The following PAPPA2 variants were observed in gnomAD, a reference collection of about 807,000 sequenced individuals.
PAPPA2 encodes the protein pappalysin 2.
PAPPA2 carries 86 observed loss-of-function variants against 176.4 expected under a neutral mutation model. That is an observed-to-expected ratio of 0.49 (90% CI 0.41 to 0.58). The LOEUF (loss-of-function observed/expected upper bound fraction) is 0.58. Among genes scored for constraint, PAPPA2 ranks in the 20% least tolerant of loss-of-function variants. The pLI is 0.00. For missense variants in PAPPA2, 2,073 were observed against 2,256.9 expected (o/e 0.92, Z 1.65); for synonymous variants, 809 against 852.2 (o/e 0.95, Z 0.88).
intron 12 of PAPPA2, among the ~76,000 whole-genome samples, chr1:176,727,138 A>G (rs913782758): frequency 9.2e-5 from 14 of 152,334 alleles, no homozygotes; most frequent in African/African-American, 3.4e-4. Flanking sequence ...GGATTCAAAG[A>G]AGGCAGGAAA....
rs1667534395 is a variant in PAPPA2 at position 176,842,765 on chromosome 1, C to T, written c.*311C>T. On this transcript the variant is annotated 3_prime_UTR_variant, in exon 23 of 23. Coordinates refer to ENST00000367662, the MANE Select transcript of PAPPA2 (RefSeq NM_020318.3). ...ATATTCTATTAAATCCTATCCTCAA[C>T]TCTTGCCCTGCTCTCCGCTCCACCC... is the stretch of plus-strand genomic sequence containing the variant. 2 of 272,376 alleles carry T rather than the reference C, an allele frequency of 7.3e-6. No homozygotes were observed. The highest frequency in any genetic ancestry group is 8.6e-5 in the East Asian group (1 of 11,564). The allele number at this position is 272,376 out of a possible 1,614,324, so 16.9% of individuals were successfully genotyped here. A position where few individuals can be genotyped will look rare whatever the true frequency, so the allele number is the denominator to read the frequency against.
At chr1:176,475,434 GC>G (rs1413737288) in intron 1 of PAPPA2, among the ~76,000 whole-genome samples, 1 of 152,108 alleles carries the variant, frequency 6.6e-6, no homozygotes, top group Non-Finnish European at 1.5e-5. Flanking sequence ...TGGCCTCAGT[GC>G]ATCCTTACAG....
intron 5 of PAPPA2, 71 bp downstream of exon 5, chr1:176,690,501 G>A (rs1660068379): frequency 1.9e-6 from 3 of 1,571,566 alleles, no homozygotes; most frequent in African/African-American, 1.4e-5. Context: ...GAGGGTGGAG[G>A]TGTGGGAGCT....
chr1:176,644,396 G>A (rs1657274635), intron 3 of PAPPA2, among the ~76,000 whole-genome samples: 1 of 151,750 alleles, frequency 6.6e-6, no homozygotes, highest in African/African-American at 2.4e-5. Flanking sequence ...TGAGTGACAG[G>A]ATTTTTTAAA....
At chr1:176,778,129 G>C (rs1187229351) in intron 17 of PAPPA2, among the ~76,000 whole-genome samples, 1 of 148,898 alleles carries the variant, frequency 6.7e-6, no homozygotes. Flanking sequence ...ATTACCAGCA[G>C]AAAAAGTGCA....
chr1:176,608,672 A>G (rs1362141679), intron 3 of PAPPA2, among the ~76,000 whole-genome samples: 5 of 152,122 alleles, frequency 3.3e-5, no homozygotes. Flanking sequence ...CTCTTATCGA[A>G]CACCCTACCT....
At chr1:176,636,100 C>T (rs1656684586) in intron 3 of PAPPA2, among the ~76,000 whole-genome samples, 1 of 152,116 alleles carries the variant, frequency 6.6e-6, no homozygotes, top group Admixed American at 6.6e-5. Flanking sequence ...CATAAAATGG[C>T]TTCCCCTTGA....
At chr1:176,535,440 C>T (rs1017140671) in intron 1 of PAPPA2, among the ~76,000 whole-genome samples, 2 of 152,204 alleles carry the variant, frequency 1.3e-5, no homozygotes, top group African/African-American at 4.8e-5. Context: ...AGTTTGCTCT[C>T]CTTTACAGAT....
intron 3 of PAPPA2, among the ~76,000 whole-genome samples, chr1:176,622,575 C>T (rs1051524888): frequency 6.6e-6 from 1 of 152,130 alleles, no homozygotes. Context: ...TGTTTGAGAT[C>T]AAGGTATCTT....
In PAPPA2 at chr1:176,641,227, G is replaced by GC. The variant is rs1657069317; in HGVS notation, c.1992-29741dup. The stretch of plus-strand genomic sequence containing the variant: ...CCATTTGTCAATTTTGGCTTTTGTT[G>GC]CCATTGCTTTTGGTGTTTTAGACAT... On this transcript the variant is annotated intron_variant, in intron 3 of 22. Coordinates refer to ENST00000367662, the MANE Select transcript of PAPPA2 (RefSeq NM_020318.3). Among the ~76,000 whole-genome samples, 4 of 152,192 alleles carry GC rather than the reference G, an allele frequency of 2.6e-5. No individual in the cohort carries two copies. In the South Asian group the frequency reaches 8.3e-4, roughly 32 times the overall value.
intron 17 of PAPPA2, among the ~76,000 whole-genome samples, chr1:176,774,868 C>T (rs1664387227): frequency 6.6e-6 from 1 of 152,190 alleles, no homozygotes; most frequent in Non-Finnish European, 1.5e-5. Context: ...CTGGCAGACC[C>T]TTCAGCTCTT....
At chr1:176,591,889 T>C (rs1218356048) in intron 2 of PAPPA2, among the ~76,000 whole-genome samples, 1 of 152,270 alleles carries the variant, frequency 6.6e-6, no homozygotes, top group African/African-American at 2.4e-5. Context: ...TAACTTACCA[T>C]TGATATCAAT....
chr1:176,833,193 T>C (rs916452006), intron 21 of PAPPA2, among the ~76,000 whole-genome samples: 3 of 152,204 alleles, frequency 2.0e-5, no homozygotes, highest in Non-Finnish European at 4.4e-5. Context: ...ACTTCAACTG[T>C]TAGCCGAAAA....
At chr1:176,495,309 G>C (rs1192392770) in intron 1 of PAPPA2, among the ~76,000 whole-genome samples, 9 of 152,080 alleles carry the variant, frequency 5.9e-5, no homozygotes, top group Admixed American at 2.0e-4. Flanking sequence ...GGGAGGCCGA[G>C]GCAGGCGAAT....
chr1:176,804,026 A>G (rs567522953), intron 21 of PAPPA2, among the ~76,000 whole-genome samples: 3 of 152,326 alleles, frequency 2.0e-5, no homozygotes, highest in Admixed American at 1.3e-4. Context: ...TAGCCTCAAC[A>G]TAGTTTTAAT....
chr1:176,817,721 C>A (rs1180110768), intron 21 of PAPPA2, among the ~76,000 whole-genome samples: 3 of 136,636 alleles, frequency 2.2e-5, no homozygotes, highest in African/African-American at 9.1e-5. Context: ...TGCCATTAAC[C>A]TCTGTTAAAA....
chr1:176,487,862 A>T (rs1179166936), intron 1 of PAPPA2, among the ~76,000 whole-genome samples: 2 of 152,214 alleles, frequency 1.3e-5, no homozygotes, highest in African/African-American at 4.8e-5. Flanking sequence ...AAGGGCTGAT[A>T]GTATCCAGTC....
At chr1:176,476,309 A>ACTC (rs1652123366) in intron 1 of PAPPA2, among the ~76,000 whole-genome samples, 1 of 152,202 alleles carries the variant, frequency 6.6e-6, no homozygotes, top group Admixed American at 6.5e-5. Context: ...GAGACCTTGC[A>ACTC]TCTAGAGTAA....
chr1:176,694,589 G>A (rs746724337), intron 6 of PAPPA2, among the ~76,000 whole-genome samples: 5 of 152,150 alleles, frequency 3.3e-5, no homozygotes, highest in East Asian at 1.9e-4. Flanking sequence ...TGATGCCTCC[G>A]TTTTCAGATG....
Sources: gnomAD v4.1 joint callset for allele counts (sites outside exome capture counted in the v4.1 genomes callset) on GRCh38, gnomAD v4.1.1 for gene constraint, MANE v1.5 for transcripts, NCBI Gene and HGNC (gene_info 2026-07-23, HGNC 2026-07-21) for gene names.